Variants in POC1A observed in about 807,000 individuals in gnomAD.
POC1A encodes the protein POC1 centriolar protein homolog A.
POC1A carries 34 observed loss-of-function variants against 47.8 expected under a neutral mutation model. That is an observed-to-expected ratio of 0.71 (90% CI 0.54 to 0.95). The LOEUF (loss-of-function observed/expected upper bound fraction) is 0.95. POC1A is among the 40% of genes least tolerant of loss of function. The probability of loss-of-function intolerance (pLI) is 0.00; values close to 1 mark genes in which losing one functional copy is unlikely to be tolerated. For missense variants in POC1A, 466 were observed against 528.3 expected, an observed-to-expected ratio of 0.88 and a Z score of 1.16; for synonymous variants, 177 against 207.6, an observed-to-expected ratio of 0.85 and a Z score of 1.27.
intron 9 of POC1A, among the ~76,000 whole-genome samples, chr3:52,110,750 T>C (rs1396565446): frequency 6.6e-6 from 1 of 152,226 alleles, no homozygotes; most frequent in Non-Finnish European, 1.5e-5. Flanking sequence ...GCAGCCTGGC[T>C]CTGCCTGGGG....
chr3:52,138,145 C>G (rs775877187), intron 7 of POC1A, 24 bp downstream of exon 7: 8 of 1,613,792 alleles, frequency 5.0e-6, no homozygotes, highest in Non-Finnish European at 6.8e-6. Context: ...CCACACCACT[C>G]AGCACCTGGC....
Position 52,075,893 on chromosome 3 carries a change from T to C in POC1A, c.1218A>G (p.Thr406=), listed in dbSNP as rs1265990587. The C allele has an allele frequency of 1.4e-5, 23 of 1,610,104 alleles. No individual in the cohort carries two copies. The highest frequency in any genetic ancestry group is 2.7e-5 in the African/African-American group (2 of 74,822). Reference sequence around the variant, plus strand: ...CTGATTCCTGCTCCCCTGATCATGGTGTTGCTCTCTGCATGATTAGCTGCT... The same window carrying C: ...CTGATTCCTGCTCCCCTGATCATGGCGTTGCTCTCTGCATGATTAGCTGCT... ...ENQQLIMQRA[T]P Residue 406 remains threonine, a synonymous_variant, in exon 11 of 11, where the codon ACA becomes ACG. Transcript: ENST00000296484.
intron 9 of POC1A, among the ~76,000 whole-genome samples, chr3:52,112,784 G>A (rs1331385987): frequency 2.0e-5 from 3 of 152,176 alleles, no homozygotes; most frequent in Admixed American, 6.6e-5. Context: ...CTGTACCCAC[G>A]ACGAGTCATA....
At chr3:52,131,134 G>A (rs1190588659) in intron 7 of POC1A, among the ~76,000 whole-genome samples, 3 of 145,540 alleles carry the variant, frequency 2.1e-5, no homozygotes, top group Non-Finnish European at 3.0e-5. Flanking sequence ...CCCACAACCC[G>A]CCCACCATCC....
rs1162688476 is a variant in POC1A at position 52,084,886 on chromosome 3, C to T, written c.1126-8901G>A. On this transcript the variant is annotated intron_variant, in intron 10 of 10. Transcript: ENST00000296484. This position sits in a 1 kb window ranked among gnomAD's most constrained non-coding sequence, Gnocchi z 4.3. ...GTTGGGCCAGACTGATGGGTGAAGG[C>T]GGAGCCAACATCCAGGCATGTGTCC... is the stretch of plus-strand genomic sequence containing the variant. Among the ~76,000 whole-genome samples, 2 of 152,194 alleles carry T rather than the reference C, an allele frequency of 1.3e-5. No homozygotes were observed. The highest frequency in any genetic ancestry group is 2.4e-5 in the African/African-American group (1 of 41,450).
chr3:52,123,175 C>T (rs1201005804), intron 8 of POC1A, among the ~76,000 whole-genome samples: 5 of 152,262 alleles, frequency 3.3e-5, no homozygotes, highest in Non-Finnish European at 7.3e-5. Flanking sequence ...CTCAGCAACA[C>T]ACTCGTCATC....
chr3:52,077,598 C>T (rs1219712853), intron 10 of POC1A, among the ~76,000 whole-genome samples: 1 of 152,232 alleles, frequency 6.6e-6, no homozygotes, highest in African/African-American at 2.4e-5. Context: ...CTGTGCTGGC[C>T]AGCCAGCCGG....
intron 10 of POC1A, among the ~76,000 whole-genome samples, chr3:52,081,453 A>G (rs1362765639): frequency 6.6e-6 from 1 of 152,188 alleles, no homozygotes; most frequent in Non-Finnish European, 1.5e-5. Context: ...CCACAGTTCA[A>G]CGAGGCAGAT....
chr3:52,149,477 C>A, intron 3 of POC1A, 88 bp from the exon 4 acceptor site: 2 of 1,264,570 alleles, frequency 1.6e-6, no homozygotes, highest in Non-Finnish European at 2.3e-6. Context: ...ACTCCTCAAG[C>A]ACCCCTCCCA....
chr3:52,148,485 A>G (rs1698442488), intron 4 of POC1A, among the ~76,000 whole-genome samples: 1 of 152,212 alleles, frequency 6.6e-6, no homozygotes, highest in African/African-American at 2.4e-5. Flanking sequence ...ACCCATGGGG[A>G]AGCTCTGTTG....
intron 3 of POC1A, 77 bp downstream of exon 3, chr3:52,149,739 C>T (rs1698489720): frequency 1.0e-5 from 15 of 1,429,838 alleles, no homozygotes; most frequent in Non-Finnish European, 1.5e-5. Flanking sequence ...CAGAGCCAAG[C>T]TAGGGGACCT....
At chr3:52,092,495 C>T (rs1702676894) in intron 10 of POC1A, among the ~76,000 whole-genome samples, 2 of 152,176 alleles carry the variant, frequency 1.3e-5, no homozygotes, top group Admixed American at 6.5e-5. Context: ...ATTATTAACA[C>T]ATTATCTGCA....
At chr3:52,134,259 C>T (rs1432782429) in intron 7 of POC1A, among the ~76,000 whole-genome samples, 2 of 152,172 alleles carry the variant, frequency 1.3e-5, no homozygotes, top group African/African-American at 2.4e-5. Context: ...GTATTTATTA[C>T]CACTGAACTG....
intron 10 of POC1A, among the ~76,000 whole-genome samples, chr3:52,095,601 T>C (rs1294100892): frequency 6.6e-6 from 1 of 151,834 alleles, no homozygotes; most frequent in Non-Finnish European, 1.5e-5. Flanking sequence ...GCTCTACCCA[T>C]GTGCTGGCAT....
chr3:52,109,807 A>C (rs988640595), intron 9 of POC1A, among the ~76,000 whole-genome samples: 2 of 152,214 alleles, frequency 1.3e-5, no homozygotes, highest in African/African-American at 4.8e-5. Context: ...CATGGCAACC[A>C]ATAAGAACAT....
At chr3:52,151,544 G>A (rs1698556470) in intron 1 of POC1A, among the ~76,000 whole-genome samples, 1 of 151,140 alleles carries the variant, frequency 6.6e-6, no homozygotes, top group Non-Finnish European at 1.5e-5. Context: ...CCAGGAGGCG[G>A]AGCTTGCAGT....
chr3:52,136,352 C>T (rs563709180), intron 7 of POC1A, among the ~76,000 whole-genome samples: 1 of 152,266 alleles, frequency 6.6e-6, no homozygotes, highest in South Asian at 2.1e-4. Context: ...CAAGTACTCT[C>T]TAAGACTCAG....
chr3:52,082,913 T>C (rs1577796697), intron 10 of POC1A, among the ~76,000 whole-genome samples: 1 of 151,922 alleles, frequency 6.6e-6, no homozygotes, highest in Admixed American at 6.6e-5. Context: ...TCTACTGACA[T>C]AGAGTAATTA....
At chr3:52,153,501 G>A (rs1274395986) in intron 1 of POC1A, among the ~76,000 whole-genome samples, 1 of 152,226 alleles carries the variant, frequency 6.6e-6, no homozygotes, top group Non-Finnish European at 1.5e-5. Context: ...GAGCAGCTGG[G>A]GGAGGGTCCC....
Sources: gnomAD v4.1 joint callset for allele counts (sites outside exome capture counted in the v4.1 genomes callset) on GRCh38, gnomAD v4.1.1 for gene constraint, Gnocchi (gnomAD v3.1) non-coding constraint, MANE v1.5 for transcripts, NCBI Gene and HGNC (gene_info 2026-07-23, HGNC 2026-07-21) for gene names.